MYO1E: variants seen among roughly 807,000 people sequenced by gnomAD.
MYO1E encodes unconventional myosin-Ie.
In MYO1E, 68 loss-of-function variants were observed where a neutral mutation model predicts 151.1. The ratio of observed to expected loss-of-function variants is 0.45; its 90% confidence interval spans 0.37 to 0.55. The LOEUF (loss-of-function observed/expected upper bound fraction) is 0.55. MYO1E is among the 20% of genes least tolerant of loss of function. The pLI is 0.00. For synonymous variants in MYO1E, 601 were observed against 501.7 expected (o/e 1.20, Z -2.64); for missense variants, 1,363 against 1,389.3 (o/e 0.98, Z 0.30).
chr15:59,216,594 G>GTGTATCTATCTATCTATCTATC (rs1491301947), intron 10 of MYO1E, among the ~76,000 whole-genome samples: 1 of 100,468 alleles, frequency 1.0e-5, no homozygotes, highest in African/African-American at 3.7e-5. Flanking sequence ...GTGTGTGTGT[G>GTGTATCTATCTATCTATCTATC]TATCTATCTA....
At chr15:59,336,765 C>T (rs1195778114) in intron 1 of MYO1E, among the ~76,000 whole-genome samples, 1 of 148,838 alleles carries the variant, frequency 6.7e-6, no homozygotes, top group Non-Finnish European at 1.5e-5. Flanking sequence ...CCCTGACAGG[C>T]CCCAGTGTGT....
chr15:59,336,846 T>C (rs1486315602), intron 1 of MYO1E, among the ~76,000 whole-genome samples: 3 of 151,994 alleles, frequency 2.0e-5, no homozygotes, highest in Admixed American at 1.3e-4. Flanking sequence ...ATGCGGTGTT[T>C]GGTTTTCTGC....
intron 16 of MYO1E, among the ~76,000 whole-genome samples, chr15:59,199,155 G>C (rs1395260649): frequency 2.0e-5 from 3 of 152,136 alleles, no homozygotes; most frequent in African/African-American, 7.2e-5. Flanking sequence ...GAGTTCAGTG[G>C]CATGATCTCG....
chr15:59,224,360 T>C (rs1313496613), intron 8 of MYO1E, among the ~76,000 whole-genome samples: 1 of 152,210 alleles, frequency 6.6e-6, no homozygotes, highest in East Asian at 1.9e-4. Context: ...TTAGCTTTTC[T>C]AAGGAAATAG....
chr15:59,216,842 T>C (rs2079921960), intron 10 of MYO1E, among the ~76,000 whole-genome samples: 1 of 151,620 alleles, frequency 6.6e-6, no homozygotes, highest in Non-Finnish European at 1.5e-5. Context: ...GATCTTTGCT[T>C]AGTGACTTGC....
At chr15:59,208,878 T>C (rs372377260) in intron 13 of MYO1E, 30 bp from the exon 14 acceptor site, 26 of 1,613,272 alleles carry the variant, frequency 1.6e-5, no homozygotes, top group Non-Finnish European at 2.0e-5. Flanking sequence ...AAGGCCCTAG[T>C]CACTGACCTC....
intron 1 of MYO1E, among the ~76,000 whole-genome samples, chr15:59,361,392 C>T (rs776296474): frequency 1.3e-5 from 2 of 152,194 alleles, no homozygotes; most frequent in Non-Finnish European, 2.9e-5. Flanking sequence ...GGAGACATAT[C>T]CCCTAATGGC....
chr15:59,133,589 A>T lies in MYO1E; in HGVS notation c.*3791T>A, dbSNP rs142484998. On this transcript the variant is annotated 3_prime_UTR_variant, in exon 28 of 28. Coordinates refer to ENST00000288235, the MANE Select transcript of MYO1E (RefSeq NM_004998.4). Reference sequence around the variant, plus strand: ...ACTAAATCCAGAAAGAACTGCAATCAATCAGCTAGGCCTTGGGAGAAAAGC... The same window carrying T: ...ACTAAATCCAGAAAGAACTGCAATCTATCAGCTAGGCCTTGGGAGAAAAGC... The T allele has an allele frequency of 6.6e-6, 1 of 152,296 alleles. No individual in the cohort carries two copies. The highest frequency in any genetic ancestry group is 1.5e-5 in the Non-Finnish European group (1 of 68,058). 9.4% of individuals were successfully genotyped at this position (152,296 alleles called of 1,614,324 possible).
rs373150348 is a variant in MYO1E, at chr15:59,163,187, T to C, written c.2597A>G (p.Gln866Arg). The C allele has an allele frequency of 8.4e-5, 136 of 1,614,188 alleles. No individual in the cohort carries two copies. The highest frequency in any genetic ancestry group is 1.1e-4 in the Non-Finnish European group (129 of 1,180,024). Residue 866 changes from glutamine to arginine, a missense_variant, in exon 23 of 28, where the codon CAG (glutamine) becomes CGG (arginine). Transcript: ENST00000288235. ...GCTGAATTTCAGAGGTAGTTGCTTC[T>C]GGGTCTTCTCCTCGTAACGCTTTGC... ...LLAKRYEEKT[Q>R]KQLPLKFSNT... is the part of the protein sequence containing the mutation.
In MYO1E at chr15:59,372,577, G is replaced by A; in HGVS notation, c.-77C>T. On this transcript the variant is annotated 5_prime_UTR_variant, in exon 1 of 28. Transcript: ENST00000288235. ...GGGGCTGGAACGCAGTCTTCTGGGC[G>A]AACTTCAAAAGTTGGTTCCCCTCGC... 1 of 1,514,094 alleles carries A rather than the reference G, an allele frequency of 6.6e-7. No individual in the cohort carries two copies. Among genetic ancestry groups the A allele is most frequent in the Non-Finnish European group, 8.9e-7 (1 of 1,128,624 alleles). The allele number at this position is 1,514,094 out of a possible 1,614,324, so 93.8% of individuals were successfully genotyped here.
chr15:59,168,695 A>T (rs2079575317), intron 22 of MYO1E, among the ~76,000 whole-genome samples: 1 of 151,166 alleles, frequency 6.6e-6, no homozygotes, highest in South Asian at 2.2e-4. Flanking sequence ...ATCATGACTC[A>T]TTGCAGCCTT....
intron 19 of MYO1E, among the ~76,000 whole-genome samples, chr15:59,176,773 C>G (rs1447706299): frequency 1.3e-5 from 2 of 152,074 alleles, no homozygotes; most frequent in African/African-American, 4.8e-5. Context: ...TAAGAGTCAA[C>G]TTTTGTGAAA....
At chr15:59,156,936 TGA>T (rs1478546095) in intron 25 of MYO1E, among the ~76,000 whole-genome samples, 4 of 152,250 alleles carry the variant, frequency 2.6e-5, no homozygotes, top group African/African-American at 9.6e-5. Flanking sequence ...CTATTAAAAA[TGA>T]GAGGCCAGGT....
intron 18 of MYO1E, among the ~76,000 whole-genome samples, chr15:59,186,484 G>A (rs1477723084): frequency 3.9e-5 from 6 of 152,100 alleles, no homozygotes; most frequent in Non-Finnish European, 1.5e-5. Flanking sequence ...TGCTCAGTTT[G>A]ACGCGGTGTG....
chr15:59,193,883 G>T (rs544375829), intron 17 of MYO1E, among the ~76,000 whole-genome samples: 8 of 152,114 alleles, frequency 5.3e-5, no homozygotes, highest in South Asian at 2.1e-4. Flanking sequence ...CAATAGAAAA[G>T]ATGCCTTAAG....
intron 22 of MYO1E, among the ~76,000 whole-genome samples, chr15:59,169,693 A>C (rs550036541): frequency 3.2e-4 from 48 of 152,334 alleles, no homozygotes; most frequent in African/African-American, 1.2e-3. Flanking sequence ...GAAGAAAAAG[A>C]AGCTGGTGCT....
intron 18 of MYO1E, among the ~76,000 whole-genome samples, chr15:59,180,069 A>T (rs938719574): frequency 6.6e-6 from 1 of 152,226 alleles, no homozygotes; most frequent in Non-Finnish European, 1.5e-5. Flanking sequence ...AGGTGATTTT[A>T]GGAGCCTTCT....
At chr15:59,367,862 A>C (rs1444833663) in intron 1 of MYO1E, among the ~76,000 whole-genome samples, 1 of 152,192 alleles carries the variant, frequency 6.6e-6, no homozygotes, top group Admixed American at 6.5e-5. Context: ...GCTCACGTCT[A>C]TAATCCCAGA....
At chr15:59,294,972 C>T (rs1220497575) in intron 1 of MYO1E, among the ~76,000 whole-genome samples, 1 of 152,090 alleles carries the variant, frequency 6.6e-6, no homozygotes, top group African/African-American at 2.4e-5. Context: ...CCCAGATTAT[C>T]GGTAATCTTG....
Sources: allele counts gnomAD v4.1 joint callset (sites outside exome capture counted in the v4.1 genomes callset), GRCh38; gene constraint gnomAD v4.1.1; transcripts MANE v1.5; gene names NCBI Gene and HGNC (gene_info 2026-07-23, HGNC 2026-07-21).